CHODL: variants seen among roughly 807,000 people sequenced by gnomAD.
The protein encoded by CHODL is chondrolectin.
CHODL carries 29 observed loss-of-function variants against 34.5 expected under a neutral mutation model. That is an observed-to-expected ratio of 0.84 (90% confidence interval 0.63 to 1.15). The LOEUF (loss-of-function observed/expected upper bound fraction) is 1.15, where lower values mean the gene tolerates loss of function less well. CHODL is among the 50% of genes most tolerant of loss of function. The pLI, the probability that CHODL is intolerant of heterozygous loss-of-function variation, is 0.00. For synonymous variants in CHODL, 125 were observed against 116.1 expected, an observed-to-expected ratio of 1.08 and a Z score of -0.49; for missense variants, 332 against 332.5, an observed-to-expected ratio of 1.00 and a Z score of 0.01.
At chr21:18,038,136 A>G (rs1431685073) in intron 2 of CHODL, among the ~76,000 whole-genome samples, 1 of 151,296 alleles carries the variant, frequency 6.6e-6, no homozygotes, top group Non-Finnish European at 1.5e-5. Context: ...AGAAAAGACT[A>G]GCCTCAGACT....
intron 2 of CHODL, among the ~76,000 whole-genome samples, chr21:18,173,807 G>T (rs1440014600): frequency 2.6e-5 from 4 of 151,478 alleles, no homozygotes; most frequent in African/African-American, 9.7e-5. Context: ...TTTTATATGA[G>T]GAGCAATGTT....
intron 1 of CHODL, among the ~76,000 whole-genome samples, chr21:17,984,059 A>C (rs1309442799): frequency 6.6e-6 from 1 of 152,176 alleles, no homozygotes; most frequent in Non-Finnish European, 1.5e-5. Context: ...TAAGACTTTA[A>C]TCCCACTGAA....
At chr21:18,103,682 A>C (rs2065241302) in intron 2 of CHODL, among the ~76,000 whole-genome samples, 1 of 152,132 alleles carries the variant, frequency 6.6e-6, no homozygotes, top group Non-Finnish European at 1.5e-5. Flanking sequence ...GGCTGGGCTC[A>C]GCTAGAGCTG....
At chr21:18,028,258 CTTTTTCTTTT>C (rs1568850967) in intron 2 of CHODL, among the ~76,000 whole-genome samples, 1 of 60,912 alleles carries the variant, frequency 1.6e-5, no homozygotes, top group East Asian at 4.9e-4. Flanking sequence ...TTTTCCTTTT[CTTTTTCTTTT>C]TCCTTTTCCC....
chr21:18,022,412 T>G (rs546648002), intron 1 of CHODL: 31 of 152,334 alleles, frequency 2.0e-4, no homozygotes, highest in African/African-American at 7.0e-4. Context: ...TCCAGAATGA[T>G]TTCATCTTGA....
chr21:18,066,444 A>C (rs192522707), intron 2 of CHODL, among the ~76,000 whole-genome samples: 2 of 152,344 alleles, frequency 1.3e-5, no homozygotes, highest in Admixed American at 1.3e-4. Flanking sequence ...GTCTCTAGGA[A>C]TAAATGGCTA....
intron 2 of CHODL, among the ~76,000 whole-genome samples, chr21:18,060,672 G>A (rs887891210): frequency 1.1e-4 from 15 of 141,058 alleles, no homozygotes; most frequent in Non-Finnish European, 1.8e-4. Flanking sequence ...TACCTCTGAA[G>A]CTCAGGCCAT....
At chr21:18,097,607 T>A (rs1358541997) in intron 2 of CHODL, among the ~76,000 whole-genome samples, 1 of 152,128 alleles carries the variant, frequency 6.6e-6, no homozygotes, top group Non-Finnish European at 1.5e-5. Flanking sequence ...TGTTCATGGA[T>A]TGGAAGAATT....
intron 2 of CHODL, among the ~76,000 whole-genome samples, chr21:18,136,825 T>C (rs988909815): frequency 5.4e-5 from 8 of 149,512 alleles, no homozygotes; most frequent in South Asian, 2.1e-4. Context: ...TATATAAATA[T>C]ATAAATAGTT....
intron 2 of CHODL, among the ~76,000 whole-genome samples, chr21:18,073,646 C>T (rs2064831486): frequency 6.6e-6 from 1 of 151,962 alleles, no homozygotes; most frequent in African/African-American, 2.4e-5. Context: ...GTGCAATATT[C>T]ACATTGAGAT....
At chr21:17,992,715 GTTGTTTTT>G (rs1245998285) in intron 1 of CHODL, among the ~76,000 whole-genome samples, 3 of 31,510 alleles carry the variant, frequency 9.5e-5, no homozygotes, top group Non-Finnish European at 1.5e-4. Flanking sequence ...TTCTGGTGGA[GTTGTTTTT>G]TTTTTTTTTT....
intron 2 of CHODL, among the ~76,000 whole-genome samples, chr21:18,085,049 T>A (rs992942015): frequency 5.3e-5 from 8 of 151,932 alleles, no homozygotes; most frequent in African/African-American, 1.9e-4. Flanking sequence ...TATATAATGA[T>A]CTTCTTTTTT....
chr21:18,265,874 A>T (rs1420161154), intron 5 of CHODL, 80 bp from the exon 6 acceptor site: 2 of 1,117,118 alleles, frequency 1.8e-6, no homozygotes, highest in East Asian at 4.8e-5. Context: ...TAACTGTCTG[A>T]GATATCTCCC....
intron 2 of CHODL, among the ~76,000 whole-genome samples, chr21:18,228,518 G>C (rs529417698): frequency 2.0e-5 from 3 of 152,086 alleles, no homozygotes; most frequent in Non-Finnish European, 4.4e-5. Context: ...GCAGTTCCTC[G>C]GGGGTTTGTC....
At chr21:17,951,706 A>G (rs1448577855) in intron 1 of CHODL, among the ~76,000 whole-genome samples, 1 of 152,358 alleles carries the variant, frequency 6.6e-6, no homozygotes, top group East Asian at 1.9e-4. Flanking sequence ...AAATTAAAAA[A>G]TTGATAGATT....
At chr21:18,194,829 T>A (rs928140694) in intron 2 of CHODL, among the ~76,000 whole-genome samples, 2 of 152,058 alleles carry the variant, frequency 1.3e-5, no homozygotes, top group Non-Finnish European at 2.9e-5. Flanking sequence ...TCTCTTTTTT[T>A]AAAATGACAA....
chr21:18,079,690 A>G (rs895328803), intron 2 of CHODL, among the ~76,000 whole-genome samples: 8 of 150,552 alleles, frequency 5.3e-5, no homozygotes, highest in African/African-American at 1.9e-4. Context: ...TGACTTTACT[A>G]TTATGAATAG....
intron 2 of CHODL, among the ~76,000 whole-genome samples, chr21:18,210,692 A>G (rs574978915): frequency 1.5e-4 from 23 of 152,282 alleles, no homozygotes; most frequent in South Asian, 1.0e-3. Context: ...TTCCATAGCT[A>G]CTACCTTGGT....
intron 2 of CHODL, among the ~76,000 whole-genome samples, chr21:18,057,910 G>A (rs536842414): frequency 6.6e-6 from 1 of 151,972 alleles, no homozygotes; most frequent in South Asian, 2.1e-4. Flanking sequence ...TATATAGTTA[G>A]CAATGATTAA....
Sources: gnomAD v4.1 joint callset for allele counts (sites outside exome capture counted in the v4.1 genomes callset) on GRCh38, gnomAD v4.1.1 for gene constraint, MANE v1.5 for transcripts, NCBI Gene and HGNC (gene_info 2026-07-23, HGNC 2026-07-21) for gene names.